The following RBP7 variants were observed in gnomAD, a reference collection of about 807,000 sequenced individuals.
RBP7 encodes retinoid-binding protein 7.
A neutral mutation model predicts 16.7 loss-of-function variants in RBP7; 13 were observed. The ratio of observed to expected loss-of-function variants is 0.78; its 90% CI spans 0.51 to 1.24. The LOEUF (loss-of-function observed/expected upper bound fraction) is 1.24. Ranked by LOEUF, RBP7 falls within the 50% of genes most tolerant of loss-of-function variation. RBP7 has a pLI of 0.00. For synonymous variants in RBP7, 54 were observed against 56.2 expected (o/e 0.96, Z 0.17); for missense variants, 145 against 159.5 (o/e 0.91, Z 0.49).
intron 1 of RBP7, among the ~76,000 whole-genome samples, chr1:10,006,363 T>A (rs1275277161): frequency 6.6e-6 from 1 of 151,746 alleles, no homozygotes; most frequent in East Asian, 1.9e-4. Context: ...TTTAAAACAT[T>A]TCCAGGCATG....
At chr1:10,011,675 T>C (rs925500321) in intron 3 of RBP7, among the ~76,000 whole-genome samples, 2 of 152,146 alleles carry the variant, frequency 1.3e-5, no homozygotes, top group Admixed American at 1.3e-4. Flanking sequence ...GTCCTTAAAG[T>C]TGGGTCTGGG....
At position 10,014,237 on chromosome 1, in the gene RBP7, G is replaced by A. The variant is rs375116594; in HGVS notation, c.355-1545G>A. 5.8e-4 allele frequency among the ~76,000 whole-genome samples: 89 copies of A among 152,140 alleles called. 1 individual carries two copies. Among genetic ancestry groups the A allele is most frequent in the African/African-American group, 2.0e-3 (84 of 41,526 alleles). ...AAACATCCACTAAAAACTAAACCACGGGGTTTAGAGAGCTTCCATGTTGAA... is the reference window on the plus strand; with the variant it reads ...AAACATCCACTAAAAACTAAACCACAGGGTTTAGAGAGCTTCCATGTTGAA... On this transcript the variant is annotated intron_variant, in intron 3 of 3. Coordinates refer to ENST00000294435, the MANE Select transcript of RBP7 (RefSeq NM_052960.3).
intron 2 of RBP7, 140 bp downstream of exon 2, chr1:10,007,888 A>G (rs1642490355): frequency 1.3e-6 from 1 of 778,504 alleles, no homozygotes; most frequent in Non-Finnish European, 2.0e-6. Flanking sequence ...CTCTACAGAA[A>G]AAAATTCAAA....
chr1:10,006,623 G>A (rs927481222), intron 1 of RBP7, among the ~76,000 whole-genome samples: 7 of 151,778 alleles, frequency 4.6e-5, no homozygotes, highest in Non-Finnish European at 7.4e-5. Flanking sequence ...GAACCCGGGA[G>A]TGGAGGTTGC....
chr1:10,007,842 T>C, intron 2 of RBP7, 94 bp downstream of exon 2: 1 of 1,148,960 alleles, frequency 8.7e-7, no homozygotes. Context: ...AGGTCAGTAG[T>C]TTGAGACCAG....
chr1:10,006,164 A>G (rs1192753606), intron 1 of RBP7, among the ~76,000 whole-genome samples: 2 of 152,104 alleles, frequency 1.3e-5, no homozygotes. Flanking sequence ...CCTGATCTTC[A>G]TCTTCTTAGC....
chr1:10,010,242 A>G (rs905398222), intron 3 of RBP7, among the ~76,000 whole-genome samples: 10 of 152,004 alleles, frequency 6.6e-5, no homozygotes, highest in African/African-American at 2.4e-4. Context: ...CAGCCTCCCA[A>G]GTAGCTGAGA....
intron 1 of RBP7, among the ~76,000 whole-genome samples, chr1:10,006,372 T>TG (rs1351469292): frequency 6.6e-6 from 1 of 151,896 alleles, no homozygotes; most frequent in Non-Finnish European, 1.5e-5. Context: ...TTTCCAGGCA[T>TG]GGTGGCATGT....
intron 3 of RBP7, among the ~76,000 whole-genome samples, chr1:10,015,579 G>A (rs1319787942): frequency 6.6e-6 from 1 of 151,836 alleles, no homozygotes; most frequent in Non-Finnish European, 1.5e-5. Flanking sequence ...TGGGAGGATC[G>A]CTTGAGCCTG....
chr1:10,005,981 A>T (rs937562676), intron 1 of RBP7, among the ~76,000 whole-genome samples: 2 of 152,146 alleles, frequency 1.3e-5, no homozygotes, highest in African/African-American at 2.4e-5. Flanking sequence ...TCAGAGTCCC[A>T]GGGCTCCCTG....
chr1:10,004,183 C>G (rs1182851010), intron 1 of RBP7: 1 of 150,390 alleles, frequency 6.6e-6, no homozygotes. Context: ...AACAATTCTC[C>G]TGCTTCAGCC....
chr1:9,997,889 A>T lies in RBP7; in HGVS notation c.73+558A>T, dbSNP rs1642201228. On this transcript the variant is annotated intron_variant, in intron 1 of 3. Transcript: ENST00000294435. This position sits in a 1 kb window ranked among gnomAD's most constrained non-coding sequence, Gnocchi z 5.9. ...GGATGCAGAATCCTGGAGCCAGCGG[A>T]CGACCCTTCAGGTCCGGGCACCCGC... Among the ~76,000 whole-genome samples, 1 of 152,072 alleles carries T rather than the reference A, an allele frequency of 6.6e-6. No homozygotes were observed. The highest frequency in any genetic ancestry group is 2.4e-5 in the African/African-American group (1 of 41,440).
At chr1:10,012,942 A>AAAC (rs1170273032) in intron 3 of RBP7, among the ~76,000 whole-genome samples, 1 of 150,042 alleles carries the variant, frequency 6.7e-6, no homozygotes, top group East Asian at 1.9e-4. Flanking sequence ...ACTGTCTCAA[A>AAAC]AAAAAAAAAA....
intron 3 of RBP7, among the ~76,000 whole-genome samples, chr1:10,008,598 A>G (rs896478641): frequency 1.3e-5 from 2 of 150,832 alleles, no homozygotes; most frequent in Admixed American, 1.3e-4. Flanking sequence ...GCACCACCAC[A>G]CCCAGCTAAT....
intron 1 of RBP7, among the ~76,000 whole-genome samples, chr1:10,007,349 T>C (rs1165550700): frequency 6.6e-6 from 1 of 152,040 alleles, no homozygotes; most frequent in African/African-American, 2.4e-5. Flanking sequence ...TGTCCCAAAG[T>C]GCTGGAATTA....
chr1:10,015,874 T>A lies in RBP7; in HGVS notation c.*42T>A, dbSNP rs1348315236. On this transcript the variant is annotated 3_prime_UTR_variant, in exon 4 of 4. Coordinates refer to ENST00000294435, the MANE Select transcript of RBP7 (RefSeq NM_052960.3). Reference sequence around the variant, plus strand: ...GAGCCCACTTGTGGCTGCAGCTTTATGCCAAATTATATTGCAGACTGAACA... The same window carrying A: ...GAGCCCACTTGTGGCTGCAGCTTTAAGCCAAATTATATTGCAGACTGAACA... 1 of 1,581,660 alleles carries A rather than the reference T, an allele frequency of 6.3e-7. No individual in the cohort carries two copies. The highest frequency in any genetic ancestry group is 8.7e-7 in the Non-Finnish European group (1 of 1,150,750).
chr1:10,007,587 C>T lies in RBP7; in HGVS notation c.91C>T (p.Arg31Cys), dbSNP rs763908402. 8.1e-6 allele frequency: 13 copies of T among 1,609,170 alleles called. No individual in the cohort carries two copies. Among genetic ancestry groups the T allele is most frequent in the Middle Eastern group, 1.7e-4 (1 of 6,050 alleles). The change falls in exon 2 of 4, where the codon CGT becomes TGT. Residue 31 changes from arginine to cysteine, a missense_variant. Physicochemically the swap from Arg to Cys is radical, Grantham distance 180 (BLOSUM62 -3). Coordinates refer to ENST00000294435, the MANE Select transcript of RBP7 (RefSeq NM_052960.3). ...TTTTTAAGGTATTGACTTTGCCACT[C>T]GTAAAATAGCCAAGTTGCTGAAGCC... ...MLALGIDFAT[R>C]KIAKLLKPQK... is the part of the protein sequence containing the mutation.
chr1:10,013,596 G>A (rs144916750), intron 3 of RBP7, among the ~76,000 whole-genome samples: 16 of 152,076 alleles, frequency 1.1e-4, no homozygotes, highest in African/African-American at 2.6e-4. Context: ...ATCATCTGAC[G>A]TTAGGAGTTG....
At position 10,012,939 on chromosome 1, in the gene RBP7, C is replaced by CAAAAA. The variant is rs760583223; in HGVS notation, c.355-2827_355-2823dup. On this transcript the variant is annotated intron_variant, in intron 3 of 3. Transcript: ENST00000294435. ...CTGGATGACAAGAGTGAAACTGTCT[C>CAAAAA]AAAAAAAAAAAAAAAAAAAAGAGAA... Among the ~76,000 whole-genome samples the CAAAAA allele has an allele frequency of 4.7e-3, 330 of 70,928 alleles. 8 individuals are homozygous for CAAAAA. Among genetic ancestry groups the CAAAAA allele is most frequent in the African/African-American group, 0.012 (268 of 21,476 alleles). The allele number at this position is 70,928 out of a possible 152,430, so 46.5% of individuals were successfully genotyped here. A position where few individuals can be genotyped will look rare whatever the true frequency, so the allele number is the denominator to read the frequency against.
Sources: gnomAD v4.1 joint callset for allele counts (sites outside exome capture counted in the v4.1 genomes callset) on GRCh38, gnomAD v4.1.1 for gene constraint, Gnocchi (gnomAD v3.1) non-coding constraint, MANE v1.5 for transcripts, NCBI Gene and HGNC (gene_info 2026-07-23, HGNC 2026-07-21) for gene names.